PLD5: variants seen among roughly 807,000 people sequenced by gnomAD.
PLD5 encodes the protein phospholipase D family member 5, also known as inactive phospholipase D5.
A neutral mutation model predicts 61.1 loss-of-function variants in PLD5; 36 were observed. That is an observed-to-expected ratio of 0.59 (90% CI 0.45 to 0.78). PLD5 has a LOEUF of 0.78. Ranked by LOEUF, PLD5 falls within the 30% of genes least tolerant of loss-of-function variation. PLD5 has a pLI of 0.00. For missense variants in PLD5, 515 were observed against 644.4 expected (o/e 0.80, Z 2.17); for synonymous variants, 243 against 242.8 (o/e 1.00, Z -0.01).
At chr1:242,331,297 C>T (rs147004721) in intron 2 of PLD5, among the ~76,000 whole-genome samples, 140 of 152,294 alleles carry the variant, frequency 9.2e-4, no homozygotes, top group African/African-American at 2.5e-3. Flanking sequence ...CACCCCTGGA[C>T]AGCAGCAAAA....
At chr1:242,473,889 T>C (rs1667512493) in intron 1 of PLD5, among the ~76,000 whole-genome samples, 1 of 151,936 alleles carries the variant, frequency 6.6e-6, no homozygotes, top group Non-Finnish European at 1.5e-5. Flanking sequence ...TACCACTGAG[T>C]TTTTTTAAAA....
chr1:242,378,598 TG>T (rs1268064869), intron 1 of PLD5, among the ~76,000 whole-genome samples: 1 of 152,172 alleles, frequency 6.6e-6, no homozygotes, highest in Non-Finnish European at 1.5e-5. Flanking sequence ...CCCAGCACTT[TG>T]GTAGGCTGAG....
rs185314630 is a variant in PLD5 at position 242,412,360 on chromosome 1, T to A, written c.190-64118A>T. Among the ~76,000 whole-genome samples the A allele has an allele frequency of 3.9e-5, 6 of 152,316 alleles. No homozygotes were observed. The East Asian group carries it at 1.2e-3, about 29-fold the overall frequency. On this transcript the variant is annotated intron_variant, in intron 1 of 9. Coordinates refer to ENST00000536534, the MANE Select transcript of PLD5 (RefSeq NM_001372062.1). ...AGAATTTTATTTTTATTTCTCAGTA[T>A]GTTACAACCAGGATACTGACATTGA...
At chr1:242,264,951 A>T (rs1673574860) in intron 4 of PLD5, among the ~76,000 whole-genome samples, 1 of 152,140 alleles carries the variant, frequency 6.6e-6, no homozygotes, top group Non-Finnish European at 1.5e-5. Flanking sequence ...TTATTTTTTA[A>T]ATATATAGCG....
At chr1:242,499,422 C>T (rs544002103) in intron 1 of PLD5, among the ~76,000 whole-genome samples, 9 of 152,140 alleles carry the variant, frequency 5.9e-5, no homozygotes, top group Non-Finnish European at 1.2e-4. Flanking sequence ...AATAATGTAT[C>T]TTAGCCTTTC....
intron 5 of PLD5, among the ~76,000 whole-genome samples, chr1:242,160,637 A>G (rs1665746487): frequency 6.6e-6 from 1 of 152,194 alleles, no homozygotes; most frequent in Non-Finnish European, 1.5e-5. Context: ...CTGTAATCCC[A>G]GCACTTTGGG....
chr1:242,309,091 A>G, intron 2 of PLD5, among the ~76,000 whole-genome samples: 1 of 152,172 alleles, frequency 6.6e-6, no homozygotes, highest in Non-Finnish European at 1.5e-5. Context: ...GGAAGATCAT[A>G]TTTAACAAGT....
At chr1:242,102,953 G>A (rs1660795004) in intron 8 of PLD5, among the ~76,000 whole-genome samples, 1 of 152,118 alleles carries the variant, frequency 6.6e-6, no homozygotes, top group African/African-American at 2.4e-5. Context: ...GTAATTTTTT[G>A]TAATTCTTAA....
intron 1 of PLD5, among the ~76,000 whole-genome samples, chr1:242,407,478 T>A (rs909344194): frequency 6.6e-6 from 1 of 152,104 alleles, no homozygotes; most frequent in Non-Finnish European, 1.5e-5. Context: ...TGACTAACAG[T>A]CTGCCATACT....
At chr1:242,400,347 TG>T (rs1237524613) in intron 1 of PLD5, among the ~76,000 whole-genome samples, 7 of 150,704 alleles carry the variant, frequency 4.6e-5, no homozygotes, top group African/African-American at 1.5e-4. Context: ...TTATGTGGTT[TG>T]TTTAATATAT....
chr1:242,323,088 A>T (rs1003588790), intron 2 of PLD5, among the ~76,000 whole-genome samples: 2 of 152,182 alleles, frequency 1.3e-5, no homozygotes, highest in Non-Finnish European at 2.9e-5. Context: ...ACTACAATAA[A>T]TTATTATTGT....
At chr1:242,270,053 G>A (rs1673963911) in intron 3 of PLD5, among the ~76,000 whole-genome samples, 1 of 151,668 alleles carries the variant, frequency 6.6e-6, no homozygotes, top group South Asian at 2.1e-4. Context: ...AAGGAAATAA[G>A]CAAAAACACC....
At chr1:242,514,770 G>A (rs976414171) in intron 1 of PLD5, among the ~76,000 whole-genome samples, 1 of 152,096 alleles carries the variant, frequency 6.6e-6, no homozygotes, top group Admixed American at 6.5e-5. Flanking sequence ...AACAGGGAAG[G>A]TTGTCTAAAG....
At chr1:242,113,351 C>T (rs966916728) in intron 7 of PLD5, among the ~76,000 whole-genome samples, 36 of 152,202 alleles carry the variant, frequency 2.4e-4, no homozygotes, top group Middle Eastern at 3.4e-3. Flanking sequence ...CCTCGGCCTC[C>T]CAAAGTGCTG....
chr1:242,370,438 C>CAG (rs757732638), intron 1 of PLD5, among the ~76,000 whole-genome samples: 5 of 151,266 alleles, frequency 3.3e-5, no homozygotes, highest in East Asian at 1.9e-4. Context: ...AAGAGAGATG[C>CAG]AGAGAGAGAG....
intron 5 of PLD5, among the ~76,000 whole-genome samples, chr1:242,149,304 G>T (rs893009860): frequency 2.0e-5 from 3 of 151,756 alleles, no homozygotes; most frequent in African/African-American, 7.3e-5. Context: ...TACACTGATT[G>T]TTCAATACTG....
At chr1:242,155,096 T>G (rs966839103) in intron 5 of PLD5, among the ~76,000 whole-genome samples, 1 of 152,166 alleles carries the variant, frequency 6.6e-6, no homozygotes, top group South Asian at 2.1e-4. Flanking sequence ...GTCCAGCAAT[T>G]TATCCATTTC....
chr1:242,134,183 C>T (rs1432269431), intron 5 of PLD5, among the ~76,000 whole-genome samples: 1 of 152,180 alleles, frequency 6.6e-6, no homozygotes, highest in African/African-American at 2.4e-5. Context: ...AGGATATTAA[C>T]AGAAATGTGC....
intron 3 of PLD5, among the ~76,000 whole-genome samples, chr1:242,271,578 G>C (rs562836314): frequency 1.3e-5 from 2 of 152,026 alleles, no homozygotes; most frequent in Non-Finnish European, 2.9e-5. Flanking sequence ...TATAGCCTAT[G>C]GAAGACAAAG....
Sources: allele counts gnomAD v4.1 joint callset (sites outside exome capture counted in the v4.1 genomes callset), GRCh38; gene constraint gnomAD v4.1.1; transcripts MANE v1.5; gene names NCBI Gene and HGNC (gene_info 2026-07-23, HGNC 2026-07-21).